The following MAP4K3 variants were observed in gnomAD, a reference collection of about 807,000 sequenced individuals.
MAP4K3 encodes the protein MAPK/ERK kinase kinase kinase 3.
In MAP4K3, 94 loss-of-function variants were observed where a neutral mutation model predicts 143.5. The ratio of observed to expected loss-of-function variants is 0.65; its 90% CI spans 0.55 to 0.78. MAP4K3 has a LOEUF of 0.78. Ranked by LOEUF, MAP4K3 falls within the 30% of genes least tolerant of loss-of-function variation. The pLI is 0.00. For missense variants in MAP4K3, 1,077 were observed against 1,068.1 expected, an observed-to-expected ratio of 1.01 and a Z score of -0.12; for synonymous variants, 416 against 347.2, an observed-to-expected ratio of 1.20 and a Z score of -2.20.
chr2:39,352,743 G>A (rs1490039185), intron 3 of MAP4K3, among the ~76,000 whole-genome samples: 2 of 152,084 alleles, frequency 1.3e-5, no homozygotes, highest in Non-Finnish European at 2.9e-5. Flanking sequence ...CAGCTACCCT[G>A]ATATAAAATG....
intron 6 of MAP4K3, 113 bp downstream of exon 6, chr2:39,336,806 AT>A (rs1319154854): frequency 4.5e-6 from 2 of 448,766 alleles, no homozygotes; most frequent in African/African-American, 2.1e-5. Context: ...ACTCATTTTT[AT>A]TATGGTAACA....
At chr2:39,371,790 C>G (rs1442106908) in intron 2 of MAP4K3, among the ~76,000 whole-genome samples, 1 of 151,728 alleles carries the variant, frequency 6.6e-6, no homozygotes, top group Non-Finnish European at 1.5e-5. Context: ...AAGAAGGTCA[C>G]TACATATATA....
Position 39,273,940 on chromosome 2 carries a change from T to C in MAP4K3, c.1795-1398A>G, listed in dbSNP as rs78790779. 2.7e-3 allele frequency among the ~76,000 whole-genome samples: 389 copies of C among 143,866 alleles called. 3 individuals are homozygous for C. The highest frequency in any genetic ancestry group is 9.7e-3 in the African/African-American group (373 of 38,590). 94.4% of individuals were successfully genotyped at this position (143,866 alleles called of 152,430 possible). A position where few individuals can be genotyped will look rare whatever the true frequency, so the allele number is the denominator to read the frequency against. ...TTCCAGACCACATATCAGTACGTGT[T>C]ATCAAAGTAGCAAGATACAGATTTT... is the stretch of plus-strand genomic sequence containing the variant. On this transcript the variant is annotated intron_variant, in intron 24 of 33. Coordinates refer to ENST00000263881, the MANE Select transcript of MAP4K3 (RefSeq NM_003618.4).
At chr2:39,422,844 A>G (rs1664913085) in intron 1 of MAP4K3, among the ~76,000 whole-genome samples, 1 of 152,206 alleles carries the variant, frequency 6.6e-6, no homozygotes, top group Admixed American at 6.5e-5. Context: ...AACATACAAG[A>G]AAATCTAAGT....
chr2:39,369,113 A>G (rs1666004998), intron 2 of MAP4K3, among the ~76,000 whole-genome samples: 1 of 151,718 alleles, frequency 6.6e-6, no homozygotes, highest in African/African-American at 2.4e-5. Flanking sequence ...GCCTACAGTT[A>G]TACTCTGACC....
chr2:39,306,141 T>C (rs1682698027), intron 15 of MAP4K3, among the ~76,000 whole-genome samples: 1 of 152,228 alleles, frequency 6.6e-6, no homozygotes, highest in South Asian at 2.1e-4. Context: ...TATTTGTAAT[T>C]TTAAAGTATT....
intron 26 of MAP4K3, among the ~76,000 whole-genome samples, chr2:39,267,777 T>C (rs887090942): frequency 1.3e-4 from 19 of 151,742 alleles, no homozygotes; most frequent in African/African-American, 4.6e-4. Context: ...AAACAAACTA[T>C]AGAAGTCTAT....
At chr2:39,356,000 T>G (rs1014780931) in intron 3 of MAP4K3, among the ~76,000 whole-genome samples, 6 of 152,232 alleles carry the variant, frequency 3.9e-5, no homozygotes, top group Admixed American at 3.3e-4. Flanking sequence ...ACTGGAAGAC[T>G]AACCGTAAGG....
chr2:39,340,677 A>G (rs1022324458), intron 4 of MAP4K3, among the ~76,000 whole-genome samples: 1 of 152,140 alleles, frequency 6.6e-6, no homozygotes, highest in African/African-American at 2.4e-5. Context: ...GAGAATGACT[A>G]AAAAAAGGTA....
At chr2:39,316,111 C>G (rs1410099412) in intron 12 of MAP4K3, among the ~76,000 whole-genome samples, 2 of 151,782 alleles carry the variant, frequency 1.3e-5, no homozygotes, top group African/African-American at 4.8e-5. Flanking sequence ...TATAGATGTG[C>G]CATTATAATT....
chr2:39,290,774 T>C (rs906730322), intron 18 of MAP4K3, among the ~76,000 whole-genome samples: 32 of 152,264 alleles, frequency 2.1e-4, no homozygotes, highest in Middle Eastern at 3.4e-3. Flanking sequence ...AGGATGACTA[T>C]AGTTAACAAT....
intron 16 of MAP4K3, among the ~76,000 whole-genome samples, chr2:39,296,254 T>C (rs1269162467): frequency 1.3e-5 from 2 of 152,202 alleles, no homozygotes; most frequent in African/African-American, 2.4e-5. Flanking sequence ...TTTTAGGCTT[T>C]ATAAAAGAGA....
chr2:39,345,621 T>TA (rs943146437), intron 3 of MAP4K3, among the ~76,000 whole-genome samples: 1 of 151,730 alleles, frequency 6.6e-6, no homozygotes, highest in African/African-American at 2.4e-5. Flanking sequence ...TTCTAGAAAA[T>TA]AATGCTAAAA....
At chr2:39,285,212 G>T (rs1172483404) in intron 21 of MAP4K3, among the ~76,000 whole-genome samples, 5 of 152,170 alleles carry the variant, frequency 3.3e-5, no homozygotes, top group Non-Finnish European at 7.3e-5. Context: ...AGCATAAACT[G>T]TAAGCATGCT....
At chr2:39,362,628 C>T (rs939376185) in intron 2 of MAP4K3, among the ~76,000 whole-genome samples, 2 of 152,098 alleles carry the variant, frequency 1.3e-5, no homozygotes, top group South Asian at 2.1e-4. Flanking sequence ...CTACCCAATG[C>T]GATCTACAAA....
chr2:39,377,264 G>T (rs913798542), intron 2 of MAP4K3, among the ~76,000 whole-genome samples: 3 of 127,624 alleles, frequency 2.4e-5, no homozygotes, highest in African/African-American at 2.7e-5. Context: ...ATGGATTTCT[G>T]TTCATACTGG....
At chr2:39,409,260 G>A (rs577201650) in intron 1 of MAP4K3, among the ~76,000 whole-genome samples, 70 of 152,196 alleles carry the variant, frequency 4.6e-4, no homozygotes, top group African/African-American at 1.6e-3. Flanking sequence ...AGAAATACAC[G>A]TTAATTAACT....
intron 13 of MAP4K3, among the ~76,000 whole-genome samples, chr2:39,313,281 A>C (rs1683000592): frequency 6.6e-6 from 1 of 152,094 alleles, no homozygotes; most frequent in Non-Finnish European, 1.5e-5. Flanking sequence ...GTAAACTTGC[A>C]TCGCGGGGGT....
chr2:39,324,501 C>A (rs1193261511), intron 12 of MAP4K3, among the ~76,000 whole-genome samples: 11 of 152,148 alleles, frequency 7.2e-5, no homozygotes, highest in Non-Finnish European at 1.6e-4. Flanking sequence ...GCTCCAAACT[C>A]TTTTCCAGAC....
Sources: gnomAD v4.1 joint callset for allele counts (sites outside exome capture counted in the v4.1 genomes callset) on GRCh38, gnomAD v4.1.1 for gene constraint, MANE v1.5 for transcripts, NCBI Gene and HGNC (gene_info 2026-07-23, HGNC 2026-07-21) for gene names.